Variants in NTM observed in about 807,000 individuals in gnomAD.
NTM encodes IgLON family member 2.
Under a neutral mutation model 42.1 loss-of-function variants are expected in NTM, and 13 were observed. The observed-to-expected ratio is 0.31, with a 90% CI of 0.20 to 0.49. The LOEUF (loss-of-function observed/expected upper bound fraction) is 0.49, where lower values mean the gene tolerates loss of function less well. Among genes scored for constraint, NTM ranks in the 20% least tolerant of loss-of-function variants. The probability of loss-of-function intolerance (pLI) is 0.99; values close to 1 mark genes in which losing one functional copy is unlikely to be tolerated. For synonymous variants in NTM, 187 were observed against 179.2 expected (o/e 1.04, Z -0.35); for missense variants, 373 against 452.8 (o/e 0.82, Z 1.60).
intron 2 of NTM, among the ~76,000 whole-genome samples, chr11:132,113,726 AC>A (rs1057243666): frequency 5.9e-5 from 9 of 151,906 alleles, no homozygotes; most frequent in Admixed American, 3.9e-4. Context: ...GTAAATATAG[AC>A]CCCCAAAGTC....
intron 1 of NTM, chr11:131,537,583 T>C (rs2052477502): frequency 6.6e-6 from 1 of 152,200 alleles, no homozygotes; most frequent in Non-Finnish European, 1.5e-5. Flanking sequence ...TCAGATGCAA[T>C]CCTCGCTTGT....
intron 1 of NTM, among the ~76,000 whole-genome samples, chr11:131,624,378 G>A (rs2062890214): frequency 6.6e-6 from 1 of 152,158 alleles, no homozygotes; most frequent in Non-Finnish European, 1.5e-5. Context: ...GTCCTCATCT[G>A]TAGAACGGGC....
At chr11:131,382,895 A>G (rs1942861528) in intron 1 of NTM, among the ~76,000 whole-genome samples, 1 of 152,082 alleles carries the variant, frequency 6.6e-6, no homozygotes, top group South Asian at 2.1e-4. Flanking sequence ...GGTTCATTCA[A>G]TTATTGTGTT....
chr11:132,134,418 G>T (rs1344818919), intron 2 of NTM, among the ~76,000 whole-genome samples: 1 of 151,734 alleles, frequency 6.6e-6, no homozygotes, highest in Non-Finnish European at 1.5e-5. Flanking sequence ...AGCTTTTGGT[G>T]CACCTTCACT....
At chr11:132,064,683 A>G (rs752250490) in intron 2 of NTM, among the ~76,000 whole-genome samples, 4 of 152,208 alleles carry the variant, frequency 2.6e-5, no homozygotes, top group Admixed American at 2.6e-4. Context: ...AAATAGCCAG[A>G]GTAGCAGGCA....
intron 1 of NTM, among the ~76,000 whole-genome samples, chr11:131,842,636 G>C (rs766207155): frequency 5.3e-5 from 8 of 152,134 alleles, no homozygotes; most frequent in Non-Finnish European, 8.8e-5. Flanking sequence ...TGCAAGAGAA[G>C]TACATTAATT....
intron 2 of NTM, among the ~76,000 whole-genome samples, chr11:132,095,622 A>C (rs529373866): frequency 6.6e-6 from 1 of 152,320 alleles, no homozygotes; most frequent in Non-Finnish European, 1.5e-5. Flanking sequence ...TTTTCTCTTC[A>C]GTAGTCGGCA....
At chr11:131,993,615 G>A (rs183033431) in intron 2 of NTM, among the ~76,000 whole-genome samples, 1 of 152,114 alleles carries the variant, frequency 6.6e-6, no homozygotes, top group African/African-American at 2.4e-5. Flanking sequence ...ATTTCCTAGG[G>A]TGGATATAAT....
rs527897613 is a variant in NTM at position 131,999,381 on chromosome 11, G to A, written c.167+87733G>A. 9.2e-5 allele frequency among the ~76,000 whole-genome samples: 14 copies of A among 152,282 alleles called. No homozygotes were observed. In the East Asian group the frequency reaches 1.2e-3, roughly 13 times the overall value. ...GTATCTTAGTACTTGAGCAATGCCCGACTGATGTCAACTGTTAGGAGAGCC... is the reference window on the plus strand; with the variant it reads ...GTATCTTAGTACTTGAGCAATGCCCAACTGATGTCAACTGTTAGGAGAGCC... On this transcript the variant is annotated intron_variant, in intron 2 of 8. Transcript: ENST00000683400.
chr11:131,797,775 A>T (rs1432275415), intron 1 of NTM, among the ~76,000 whole-genome samples: 1 of 152,166 alleles, frequency 6.6e-6, no homozygotes, highest in African/African-American at 2.4e-5. Flanking sequence ...CTGTTGAATA[A>T]TTTTCAACAG....
At chr11:131,935,693 T>C (rs1243895653) in intron 2 of NTM, among the ~76,000 whole-genome samples, 1 of 152,214 alleles carries the variant, frequency 6.6e-6, no homozygotes, top group Non-Finnish European at 1.5e-5. Context: ...CAATTTATGT[T>C]GCCTGATTTC....
chr11:132,335,023 C>G (rs147023263), intron 8 of NTM, 23 bp from the exon 9 acceptor site: 2 of 1,608,156 alleles, frequency 1.2e-6, no homozygotes, highest in Non-Finnish European at 1.7e-6. Flanking sequence ...AGACCACTCA[C>G]GGCGAGTGTG....
chr11:131,568,677 C>T (rs1333057708), intron 1 of NTM, among the ~76,000 whole-genome samples: 1 of 152,124 alleles, frequency 6.6e-6, no homozygotes, highest in Non-Finnish European at 1.5e-5. Flanking sequence ...ACATACTGGG[C>T]CTAGAATCCA....
At chr11:131,393,080 T>C (rs1944203449) in intron 1 of NTM, among the ~76,000 whole-genome samples, 1 of 152,158 alleles carries the variant, frequency 6.6e-6, no homozygotes, top group Admixed American at 6.5e-5. Flanking sequence ...AATAATCACA[T>C]GCTGGGCTTA....
intron 1 of NTM, among the ~76,000 whole-genome samples, chr11:131,432,229 C>A (rs1217154011): frequency 1.3e-5 from 2 of 152,132 alleles, no homozygotes. Context: ...TGGAGGTAGG[C>A]AAGCTCATTT....
At chr11:131,374,566 C>T (rs187126284) in intron 1 of NTM, among the ~76,000 whole-genome samples, 215 of 152,238 alleles carry the variant, frequency 1.4e-3, no homozygotes, top group Non-Finnish European at 6.6e-4. Context: ...TTAATTCAGG[C>T]GTCCTGCGTA....
chr11:131,521,589 G>C (rs770387436), intron 1 of NTM, among the ~76,000 whole-genome samples: 1 of 151,328 alleles, frequency 6.6e-6, no homozygotes, highest in African/African-American at 2.4e-5. Context: ...TGACCAGCCC[G>C]TAGGGGGACT....
intron 1 of NTM, among the ~76,000 whole-genome samples, chr11:131,449,200 C>T (rs964158481): frequency 2.0e-5 from 3 of 152,242 alleles, no homozygotes; most frequent in South Asian, 4.1e-4. Flanking sequence ...ATGGAGCTGC[C>T]GTGCAGTAAC....
At chr11:131,455,190 C>A (rs746780044) in intron 1 of NTM, among the ~76,000 whole-genome samples, 1 of 152,188 alleles carries the variant, frequency 6.6e-6, no homozygotes, top group South Asian at 2.1e-4. Flanking sequence ...CAGTAATCGA[C>A]CTGAAATCTG....
Sources: gnomAD v4.1 joint callset for allele counts (sites outside exome capture counted in the v4.1 genomes callset) on GRCh38, gnomAD v4.1.1 for gene constraint, MANE v1.5 for transcripts, NCBI Gene and HGNC (gene_info 2026-07-23, HGNC 2026-07-21) for gene names.